The following PTPRM variants were observed in gnomAD, a reference collection of about 807,000 sequenced individuals.
PTPRM encodes protein tyrosine phosphatase receptor type M.
Under a neutral mutation model 186.7 loss-of-function variants are expected in PTPRM, and 47 were observed. The observed-to-expected ratio is 0.25, with a 90% CI of 0.20 to 0.32. The LOEUF is 0.32. Among genes scored for constraint, PTPRM ranks in the 10% least tolerant of loss-of-function variants. PTPRM has a pLI of 1.00. For synonymous variants in PTPRM, 668 were observed against 674.9 expected (o/e 0.99, Z 0.16); for missense variants, 1,494 against 1,865.0 (o/e 0.80, Z 3.66).
intron 1 of PTPRM, among the ~76,000 whole-genome samples, chr18:7,630,010 G>A (rs1473589986): frequency 6.6e-6 from 1 of 152,044 alleles, no homozygotes; most frequent in Non-Finnish European, 1.5e-5. Flanking sequence ...GGGTAAGAGG[G>A]TATTCAGGGT....
chr18:7,633,486 T>G (rs1012121456), intron 1 of PTPRM, among the ~76,000 whole-genome samples: 1 of 152,170 alleles, frequency 6.6e-6, no homozygotes, highest in African/African-American at 2.4e-5. Context: ...GAGTCTTGCC[T>G]TGTACTTGAC....
At chr18:7,578,552 G>T (rs895083197) in intron 1 of PTPRM, among the ~76,000 whole-genome samples, 1 of 151,848 alleles carries the variant, frequency 6.6e-6, no homozygotes, top group African/African-American at 2.4e-5. Context: ...AGCCAGGATG[G>T]TCTCGATCTC....
chr18:7,982,129 C>T (rs985031159), intron 7 of PTPRM, among the ~76,000 whole-genome samples: 1 of 152,090 alleles, frequency 6.6e-6, no homozygotes, highest in African/African-American at 2.4e-5. Flanking sequence ...CTTCCTTAAA[C>T]TTTTGTACCT....
chr18:8,122,201 T>C (rs1410182034), intron 13 of PTPRM: 1 of 152,722 alleles, frequency 6.5e-6, no homozygotes, highest in Admixed American at 6.5e-5. Context: ...GGCTTTTTTT[T>C]CCCTCATGCA....
intron 7 of PTPRM, among the ~76,000 whole-genome samples, chr18:7,973,488 T>C (rs2054715115): frequency 6.6e-6 from 1 of 152,204 alleles, no homozygotes; most frequent in Non-Finnish European, 1.5e-5. Context: ...TTTCCATGCA[T>C]GTATTCAGTA....
At chr18:7,936,073 G>A (rs1410585874) in intron 5 of PTPRM, among the ~76,000 whole-genome samples, 2 of 152,230 alleles carry the variant, frequency 1.3e-5, no homozygotes, top group African/African-American at 4.8e-5. Flanking sequence ...AGACAGAGAT[G>A]GCCATGGTTG....
chr18:8,385,422 T>C (rs543838695), intron 30 of PTPRM, among the ~76,000 whole-genome samples: 3 of 152,222 alleles, frequency 2.0e-5, no homozygotes, highest in Non-Finnish European at 2.9e-5. Context: ...GGCCTTACAG[T>C]GGGGAGCAAG....
intron 1 of PTPRM, among the ~76,000 whole-genome samples, chr18:7,657,245 C>T (rs1194593477): frequency 6.6e-6 from 1 of 152,190 alleles, no homozygotes; most frequent in Non-Finnish European, 1.5e-5. Context: ...CTGCCATTGA[C>T]AGCAACCAGA....
chr18:7,809,603 T>C (rs2044405694), intron 2 of PTPRM, among the ~76,000 whole-genome samples: 1 of 152,140 alleles, frequency 6.6e-6, no homozygotes, highest in African/African-American at 2.4e-5. Flanking sequence ...TGTGTTACCA[T>C]GACCTCTCCT....
intron 7 of PTPRM, among the ~76,000 whole-genome samples, chr18:7,982,778 T>C (rs577450169): frequency 6.6e-6 from 1 of 152,098 alleles, no homozygotes; most frequent in African/African-American, 2.4e-5. Flanking sequence ...GCTGGAAGTT[T>C]TCAGCTCCAG....
chr18:8,320,847 T>G (rs1276254049), intron 22 of PTPRM, among the ~76,000 whole-genome samples: 3 of 152,196 alleles, frequency 2.0e-5, no homozygotes, highest in African/African-American at 7.2e-5. Context: ...CAAGGTCACT[T>G]TGCTAGCTAG....
chr18:7,765,094 A>G (rs1325804855), intron 1 of PTPRM, among the ~76,000 whole-genome samples: 1 of 152,244 alleles, frequency 6.6e-6, no homozygotes, highest in African/African-American at 2.4e-5. Flanking sequence ...ATTTAGGAAT[A>G]GAATAATACT....
chr18:8,273,831 A>C (rs922879684), intron 19 of PTPRM, among the ~76,000 whole-genome samples: 14 of 152,248 alleles, frequency 9.2e-5, no homozygotes, highest in Admixed American at 6.5e-5. Flanking sequence ...CAAACAATTC[A>C]GAACTGATGG....
intron 1 of PTPRM, among the ~76,000 whole-genome samples, chr18:7,595,536 AT>A (rs918584700): frequency 1.3e-5 from 2 of 152,198 alleles, no homozygotes; most frequent in Non-Finnish European, 2.9e-5. Context: ...GTTTGGTAAC[AT>A]TGCTCTATGA....
chr18:7,880,732 T>C (rs2146279035), intron 2 of PTPRM, among the ~76,000 whole-genome samples: 1 of 152,318 alleles, frequency 6.6e-6, no homozygotes, highest in East Asian at 1.9e-4. Context: ...TTCAGGAAAT[T>C]TCTGGAGACA....
At chr18:7,845,416 C>CT (rs886733054) in intron 2 of PTPRM, among the ~76,000 whole-genome samples, 11 of 152,068 alleles carry the variant, frequency 7.2e-5, no homozygotes, top group African/African-American at 2.7e-4. Context: ...TGTTCAGTCA[C>CT]TTTTTTTGTG....
intron 5 of PTPRM, among the ~76,000 whole-genome samples, chr18:7,935,241 G>C: frequency 6.6e-6 from 1 of 152,046 alleles, no homozygotes; most frequent in East Asian, 1.9e-4. Flanking sequence ...GTCTTTAGTT[G>C]CTATGGGAAC....
chr18:8,344,438 G>C (rs1476827062), intron 23 of PTPRM, among the ~76,000 whole-genome samples: 4 of 33,300 alleles, frequency 1.2e-4, no homozygotes, highest in Admixed American at 3.6e-4. Context: ...ATATGTGTGT[G>C]TGTGTGTGTG....
At chr18:8,368,766 A>G (rs1030646578) in intron 23 of PTPRM, among the ~76,000 whole-genome samples, 1 of 152,188 alleles carries the variant, frequency 6.6e-6, no homozygotes, top group African/African-American at 2.4e-5. Context: ...TTTCCTTCCT[A>G]CACTGATCCT....
Sources: gnomAD v4.1 joint callset for allele counts (sites outside exome capture counted in the v4.1 genomes callset) on GRCh38, gnomAD v4.1.1 for gene constraint, MANE v1.5 for transcripts, NCBI Gene and HGNC (gene_info 2026-07-23, HGNC 2026-07-21) for gene names.